TFB2M: variants seen among roughly 807,000 people sequenced by gnomAD.
TFB2M encodes the protein transcription factor B2, mitochondrial, also known as dimethyladenosine transferase 2, mitochondrial.
TFB2M carries 44 observed loss-of-function variants against 41.3 expected under a neutral mutation model. That is an observed-to-expected ratio of 1.07 (90% CI 0.84 to 1.37). TFB2M has a LOEUF of 1.37. Ranked by LOEUF, TFB2M falls within the 40% of genes most tolerant of loss-of-function variation. The pLI is 0.00. For synonymous variants in TFB2M, 188 were observed against 176.8 expected (o/e 1.06, Z -0.50); for missense variants, 496 against 490.2 (o/e 1.01, Z -0.11).
intron 6 of TFB2M, among the ~76,000 whole-genome samples, chr1:246,545,010 T>A (rs1179464373): frequency 6.6e-6 from 1 of 151,870 alleles, no homozygotes; most frequent in Non-Finnish European, 1.5e-5. Flanking sequence ...TTTCACCGTG[T>A]TAGCCAGGAT....
chr1:246,555,844 G>A (rs1390243736), intron 4 of TFB2M, among the ~76,000 whole-genome samples: 1 of 151,986 alleles, frequency 6.6e-6, no homozygotes, highest in Non-Finnish European at 1.5e-5. Context: ...AGGCTGGAGT[G>A]CAGGGGCATG....
intron 2 of TFB2M, among the ~76,000 whole-genome samples, chr1:246,560,193 G>C (rs552625862): frequency 2.0e-5 from 3 of 152,212 alleles, no homozygotes; most frequent in African/African-American, 7.2e-5. Flanking sequence ...CAAACCAAAA[G>C]ATTGGACACC....
intron 6 of TFB2M, 107 bp from the exon 7 acceptor site, chr1:246,544,788 G>T: frequency 2.2e-6 from 2 of 920,056 alleles, no homozygotes; most frequent in Non-Finnish European, 3.2e-6. Flanking sequence ...ATCACCACAG[G>T]CCCTGAGTGT....
At chr1:246,549,866 T>A (rs1659124142) in intron 5 of TFB2M, among the ~76,000 whole-genome samples, 1 of 152,100 alleles carries the variant, frequency 6.6e-6, no homozygotes, top group Non-Finnish European at 1.5e-5. Context: ...AAAAGCACCA[T>A]CAGCCGTGCA....
chr1:246,541,298 T>C, intron 7 of TFB2M, 96 bp from the exon 8 acceptor site: 2 of 1,225,518 alleles, frequency 1.6e-6, no homozygotes, highest in Non-Finnish European at 2.3e-6. Flanking sequence ...ATTCAAAATG[T>C]CTAACTTAGG....
intron 7 of TFB2M, among the ~76,000 whole-genome samples, chr1:246,541,946 C>G (rs1317609376): frequency 6.6e-6 from 1 of 152,170 alleles, no homozygotes; most frequent in Non-Finnish European, 1.5e-5. Flanking sequence ...GAGAAATGCA[C>G]TGTTAGGTGA....
intron 6 of TFB2M, among the ~76,000 whole-genome samples, chr1:246,545,812 G>GAAAA (rs869274564): frequency 1.5e-4 from 8 of 52,720 alleles, no homozygotes; most frequent in Non-Finnish European, 2.6e-4. Flanking sequence ...ACCCTGATTC[G>GAAAA]AAAAAAAAAA....
intron 5 of TFB2M, among the ~76,000 whole-genome samples, chr1:246,549,488 G>A (rs947320246): frequency 3.9e-5 from 6 of 152,050 alleles, no homozygotes; most frequent in East Asian, 1.9e-4. Context: ...AGGCTGAGGC[G>A]GGAGGATTGC....
At chr1:246,544,915 C>T (rs1041119061) in intron 6 of TFB2M, among the ~76,000 whole-genome samples, 5 of 152,140 alleles carry the variant, frequency 3.3e-5, no homozygotes, top group East Asian at 3.9e-4. Context: ...ATGCCATTCT[C>T]CTGCCTCAGC....
Position 246,566,246 on chromosome 1 carries a change from A to C in TFB2M, c.-108T>G. 2 of 1,162,058 alleles carry C rather than the reference A, an allele frequency of 1.7e-6. No homozygotes were observed. The highest frequency in any genetic ancestry group is 1.5e-5 in the South Asian group (1 of 64,620). The allele number at this position is 1,162,058 out of a possible 1,614,324, so 72.0% of individuals were successfully genotyped here. On this transcript the variant is annotated 5_prime_UTR_variant, in exon 1 of 8. Transcript: ENST00000366514. ...ATTTTCTGGCGTCCGGGCCAGGTCA[A>C]GCGGAAGTAAACACTAGAGCCTGCG... is the stretch of plus-strand genomic sequence containing the variant.
intron 6 of TFB2M, among the ~76,000 whole-genome samples, chr1:246,548,029 CTCTG>C (rs944399400): frequency 2.0e-5 from 3 of 151,128 alleles, no homozygotes; most frequent in African/African-American, 7.3e-5. Context: ...TCACTGCAAC[CTCTG>C]TCTGCCAGGT....
At chr1:246,564,638 G>A (rs536312937) in intron 1 of TFB2M, among the ~76,000 whole-genome samples, 17 of 151,672 alleles carry the variant, frequency 1.1e-4, no homozygotes, top group Middle Eastern at 3.5e-3. Context: ...AAGTGATGCA[G>A]CTTGGCTTTG....
chr1:246,565,839 C>T lies in TFB2M; in HGVS notation c.300G>A (p.Leu100=), dbSNP rs1659643852. The T allele has an allele frequency of 2.5e-6, 4 of 1,600,862 alleles. No homozygotes were observed. The highest frequency in any genetic ancestry group is 3.4e-6 in the Non-Finnish European group (4 of 1,168,754). The change falls in exon 1 of 8, where the codon CTG becomes CTA. Residue 100 remains leucine (L), a synonymous_variant. Coordinates refer to ENST00000366514, the MANE Select transcript of TFB2M (RefSeq NM_022366.3). The stretch of plus-strand genomic sequence containing the variant: ...AGCTGGACTCACCTGGATTGCACTC[C>T]AGCAGTAGGTGTGGAGGTCTACTTG... ...GKPSRPPHLL[L]ECNPGPGILT...
chr1:246,543,851 G>A (rs147086245), intron 7 of TFB2M, among the ~76,000 whole-genome samples: 3 of 147,014 alleles, frequency 2.0e-5, no homozygotes, highest in Non-Finnish European at 2.9e-5. Context: ...TTAGCCGGGC[G>A]TGGTGGTGCA....
At chr1:246,544,415 A>G in intron 7 of TFB2M, 106 bp downstream of exon 7, 1 of 1,014,958 alleles carries the variant, frequency 9.9e-7, no homozygotes, top group Non-Finnish European at 1.4e-6. Context: ...GAGGGAAAAC[A>G]TGGTACCTCA....
At chr1:246,562,661 CTT>C (rs549675853) in intron 2 of TFB2M, among the ~76,000 whole-genome samples, 5 of 145,038 alleles carry the variant, frequency 3.4e-5, no homozygotes, top group African/African-American at 5.0e-5. Flanking sequence ...CCATAGGGAA[CTT>C]TTTTTTTTTT....
At chr1:246,554,285 C>G (rs1558512389) in intron 4 of TFB2M, among the ~76,000 whole-genome samples, 1 of 152,190 alleles carries the variant, frequency 6.6e-6, no homozygotes, top group Non-Finnish European at 1.5e-5. Flanking sequence ...AGCTACGACA[C>G]AGGTCCCCAA....
chr1:246,551,355 A>C, intron 4 of TFB2M, 53 bp from the exon 5 acceptor site: 1 of 1,252,422 alleles, frequency 8.0e-7, no homozygotes, highest in Admixed American at 1.7e-5. Context: ...AATCAATTAA[A>C]AACAAATGCT....
At chr1:246,549,054 G>A (rs1659097680) in intron 5 of TFB2M, among the ~76,000 whole-genome samples, 1 of 152,106 alleles carries the variant, frequency 6.6e-6, no homozygotes, top group Non-Finnish European at 1.5e-5. Flanking sequence ...TACTAGTGTC[G>A]ACCAGGTGCT....
Sources: gnomAD v4.1 joint callset for allele counts (sites outside exome capture counted in the v4.1 genomes callset) on GRCh38, gnomAD v4.1.1 for gene constraint, MANE v1.5 for transcripts, NCBI Gene and HGNC (gene_info 2026-07-23, HGNC 2026-07-21) for gene names.